ELMO2: variants seen among roughly 807,000 people sequenced by gnomAD.
ELMO2 encodes the protein engulfment and cell motility 2.
In ELMO2, 37 loss-of-function variants were observed where a neutral mutation model predicts 96.2. That is an observed-to-expected ratio of 0.38 (90% CI 0.30 to 0.51). The LOEUF (loss-of-function observed/expected upper bound fraction) is 0.51, where lower values mean the gene tolerates loss of function less well. ELMO2 is among the 20% of genes least tolerant of loss of function. The probability of loss-of-function intolerance (pLI) is 0.88; values close to 1 mark genes in which losing one functional copy is unlikely to be tolerated. For missense variants in ELMO2, 561 were observed against 912.6 expected (o/e 0.61, Z 4.96); for synonymous variants, 315 against 329.4 (o/e 0.96, Z 0.47).
At chr20:46,379,129 G>A (rs530845800) in intron 11 of ELMO2, among the ~76,000 whole-genome samples, 1 of 152,120 alleles carries the variant, frequency 6.6e-6, no homozygotes, top group East Asian at 1.9e-4. Flanking sequence ...GAGTAGCTGG[G>A]ATTACAGGCG....
At chr20:46,368,858 C>T (rs1475682205) in intron 21 of ELMO2, 33 bp downstream of exon 21, 4 of 1,610,974 alleles carry the variant, frequency 2.5e-6, no homozygotes, top group Admixed American at 3.3e-5. Context: ...ACAGAAATAG[C>T]TCTGTTGTCT....
intron 2 of ELMO2, among the ~76,000 whole-genome samples, chr20:46,394,998 T>C (rs1161145295): frequency 6.6e-6 from 1 of 152,324 alleles, no homozygotes; most frequent in East Asian, 1.9e-4. Flanking sequence ...CTACATGCTC[T>C]CTTGCTTCCT....
At chr20:46,406,192 C>G (rs2060438864) in intron 1 of ELMO2, among the ~76,000 whole-genome samples, 1 of 152,104 alleles carries the variant, frequency 6.6e-6, no homozygotes, top group African/African-American at 2.4e-5. Context: ...TCCCAGCCCT[C>G]TCCTTGCCGC....
rs759020747 is a variant in ELMO2, at chr20:46,394,048, C to T, written c.119+1G>A. ...TGAAAACGAGGTCCATTTCAACCTA[C>T]CCATCACAAACTTCCTTGATAATGG... On this transcript the variant is annotated splice_donor_variant, in intron 4 of 21. Coordinates refer to ENST00000290246, the MANE Select transcript of ELMO2 (RefSeq NM_133171.5). LOFTEE classifies it high-confidence loss of function. 1 of 1,614,052 alleles carries T rather than the reference C, an allele frequency of 6.2e-7. No homozygotes were observed. Among genetic ancestry groups the T allele is most frequent in the Non-Finnish European group, 8.5e-7 (1 of 1,180,002 alleles).
intron 9 of ELMO2, among the ~76,000 whole-genome samples, chr20:46,385,014 A>G (rs1246456183): frequency 1.3e-5 from 2 of 152,200 alleles, no homozygotes; most frequent in Non-Finnish European, 2.9e-5. Context: ...AGGAGAAATC[A>G]GAGTTGCAAA....
intron 1 of ELMO2, among the ~76,000 whole-genome samples, chr20:46,405,550 G>A (rs934745651): frequency 6.6e-6 from 1 of 152,132 alleles, no homozygotes; most frequent in Admixed American, 6.5e-5. Flanking sequence ...CTACAAAGGG[G>A]TGGGACGCCG....
chr20:46,399,747 T>A (rs562876477), intron 1 of ELMO2, among the ~76,000 whole-genome samples: 1 of 152,234 alleles, frequency 6.6e-6, no homozygotes, highest in Non-Finnish European at 1.5e-5. Flanking sequence ...GGCTCTGATT[T>A]CTTCCACTCC....
chr20:46,400,672 C>G (rs1749109189), intron 1 of ELMO2, among the ~76,000 whole-genome samples: 1 of 152,240 alleles, frequency 6.6e-6, no homozygotes, highest in South Asian at 2.1e-4. Flanking sequence ...GAGACAGGCA[C>G]ACACTGACCT....
chr20:46,391,376 T>C (rs994650562), intron 6 of ELMO2, among the ~76,000 whole-genome samples: 1 of 152,176 alleles, frequency 6.6e-6, no homozygotes, highest in Non-Finnish European at 1.5e-5. Context: ...AGTACCTATC[T>C]CATGGGATGT....
At chr20:46,387,738 A>G in intron 7 of ELMO2, 1 of 278,478 alleles carries the variant, frequency 3.6e-6, no homozygotes, top group Non-Finnish European at 6.8e-6. Context: ...AGACCAAAGA[A>G]GACATTGGAC....
rs894701375 is a variant in ELMO2 at position 46,389,168 on chromosome 20, G to A, written c.296C>T (p.Thr99Ile). The A allele has an allele frequency of 6.2e-7, 1 of 1,614,052 alleles. No individual in the cohort carries two copies. Among genetic ancestry groups the A allele is most frequent in the African/African-American group, 1.3e-5 (1 of 74,916 alleles). Reference protein sequence around the residue: ...MERTQSSNMETRLDAMKELAK... With the variant: ...MERTQSSNMEIRLDAMKELAK... ...CAGCTCCTTCATGGCATCCAGCCGG[G>A]TCTCCATGTTGGATGACTGGGTCCT... Residue 99 changes from threonine to isoleucine, a missense_variant, in exon 7 of 22, where the codon ACC becomes ATC. Physicochemically the swap from Thr to Ile is moderately conservative, Grantham distance 89 (BLOSUM62 -1). Coordinates refer to ENST00000290246, the MANE Select transcript of ELMO2 (RefSeq NM_133171.5).
intron 2 of ELMO2, among the ~76,000 whole-genome samples, chr20:46,398,194 T>G (rs961588827): frequency 6.6e-6 from 1 of 152,162 alleles, no homozygotes; most frequent in Non-Finnish European, 1.5e-5. Context: ...GCAAAACCCA[T>G]GGGTTTGCTC....
chr20:46,394,688 G>C (rs1201768057), intron 2 of ELMO2, among the ~76,000 whole-genome samples, 156 bp from the exon 3 acceptor site: 1 of 152,198 alleles, frequency 6.6e-6, no homozygotes, highest in Non-Finnish European at 1.5e-5. Flanking sequence ...CTTCTGCTTA[G>C]GATTTTGTCT....
chr20:46,370,285 C>T, intron 20 of ELMO2, 158 bp downstream of exon 20: 2 of 731,468 alleles, frequency 2.7e-6, no homozygotes, highest in African/African-American at 1.7e-5. Context: ...GATGTGTATA[C>T]AGAGGTTCCA....
chr20:46,382,835 T>C (rs1337069753), intron 10 of ELMO2, among the ~76,000 whole-genome samples: 2 of 152,236 alleles, frequency 1.3e-5, no homozygotes, highest in East Asian at 3.8e-4. Context: ...ATCTGCATAA[T>C]GTCACAGTTA....
At position 46,371,094 on chromosome 20, in the gene ELMO2, C is replaced by T. The variant is rs1374367036; in HGVS notation, c.1801+258G>A. On this transcript the variant is annotated intron_variant, in intron 19 of 21. Coordinates refer to ENST00000290246, the MANE Select transcript of ELMO2 (RefSeq NM_133171.5). The surrounding 1 kb of genome is among the most constrained non-coding windows in gnomAD (Gnocchi z 5.9). ...GGGCAGTCTGGCTTCACAGCTTCTC[C>T]TCTTAACTACTGCCTTTCGACTTAG... Among the ~76,000 whole-genome samples the T allele has an allele frequency of 6.6e-6, 1 of 152,210 alleles. No individual in the cohort carries two copies. Among genetic ancestry groups the T allele is most frequent in the African/African-American group, 2.4e-5 (1 of 41,454 alleles).
At position 46,369,961 on chromosome 20, in the gene ELMO2, G is replaced by GTGTGTGTGTGT. The variant is rs2059665607; in HGVS notation, c.1884+481_1884+482insACACACACACA. On this transcript the variant is annotated intron_variant, in intron 20 of 21. Transcript: ENST00000290246. The stretch of plus-strand genomic sequence containing the variant: ...CTGGTTTAGACAAGATGGGTATGGG[G>GTGTGTGTGTGT]GTGTGTGTGTGTGTGTGTGTGTGTG... The GTGTGTGTGTGT allele has an allele frequency of 1.1e-3, 54 of 50,262 alleles. No homozygotes were observed. The East Asian group carries it at 0.012, about 12-fold the overall frequency. The allele number at this position is 50,262 out of a possible 1,614,324, so 3.1% of individuals were successfully genotyped here. A position where few individuals can be genotyped will look rare whatever the true frequency, so the allele number is the denominator to read the frequency against.
In ELMO2 at chr20:46,386,154, G is replaced by A; in HGVS notation, c.647C>T (p.Thr216Ile). 6.2e-7 allele frequency: 1 copy of A among 1,614,146 alleles called. No homozygotes were observed. Among genetic ancestry groups the A allele is most frequent in the Non-Finnish European group, 8.5e-7 (1 of 1,180,010 alleles). Reference protein sequence around the residue: ...SLYQKIAEEITVGQLISHLQV... With the variant: ...SLYQKIAEEIIVGQLISHLQV... ...GAGGTGTGAGATGAGCTGTCCCACG[G>A]TGATTTCCTCGGCTATCTTCTGGTA... Residue 216 changes from threonine (T) to isoleucine (I), a missense_variant, in exon 9 of 22, where the codon ACC (threonine) becomes ATC (isoleucine). Physicochemically the swap from Thr to Ile is moderately conservative, Grantham distance 89. Coordinates refer to ENST00000290246, the MANE Select transcript of ELMO2 (RefSeq NM_133171.5).
chr20:46,376,915 T>G, intron 11 of ELMO2: 1 of 905,088 alleles, frequency 1.1e-6, no homozygotes. Context: ...GTTCCTTAGT[T>G]GCACCAGCCA....
Sources: allele counts gnomAD v4.1 joint callset (sites outside exome capture counted in the v4.1 genomes callset), GRCh38; gene constraint gnomAD v4.1.1; non-coding constraint Gnocchi (gnomAD v3.1); transcripts MANE v1.5; gene names NCBI Gene and HGNC (gene_info 2026-07-23, HGNC 2026-07-21).